Variants in ZBTB44 observed in about 807,000 individuals in gnomAD.
The protein encoded by ZBTB44 is zinc finger and BTB domain-containing protein 44.
Under a neutral mutation model 54.0 loss-of-function variants are expected in ZBTB44, and 15 were observed. The observed-to-expected ratio is 0.28, with a 90% CI of 0.19 to 0.43. The LOEUF (loss-of-function observed/expected upper bound fraction) is 0.43, where lower values mean the gene tolerates loss of function less well. Among genes scored for constraint, ZBTB44 ranks in the 20% least tolerant of loss-of-function variants. The pLI, the probability that ZBTB44 is intolerant of heterozygous loss-of-function variation, is 1.00. For synonymous variants in ZBTB44, 230 were observed against 250.1 expected, an observed-to-expected ratio of 0.92 and a Z score of 0.76; for missense variants, 487 against 707.1, an observed-to-expected ratio of 0.69 and a Z score of 3.53.
chr11:130,304,811 A>G (rs547107925), intron 1 of ZBTB44, among the ~76,000 whole-genome samples: 1 of 152,304 alleles, frequency 6.6e-6, no homozygotes, highest in South Asian at 2.1e-4. Context: ...GAGGAAGTCA[A>G]ACTGTTGCTG....
At chr11:130,290,268 G>A (rs1027310044) in intron 1 of ZBTB44, among the ~76,000 whole-genome samples, 2 of 152,336 alleles carry the variant, frequency 1.3e-5, no homozygotes, top group South Asian at 2.1e-4. Context: ...CAAGAGGCAA[G>A]GAATGGTTTC....
At chr11:130,245,879 A>C (rs1954620994) in intron 2 of ZBTB44, among the ~76,000 whole-genome samples, 1 of 152,244 alleles carries the variant, frequency 6.6e-6, no homozygotes, top group Non-Finnish European at 1.5e-5. Flanking sequence ...AAGCTGGTTG[A>C]AAAGAACTAA....
intron 1 of ZBTB44, among the ~76,000 whole-genome samples, chr11:130,311,218 T>C (rs1199430372): frequency 1.3e-5 from 2 of 152,082 alleles, no homozygotes; most frequent in African/African-American, 4.8e-5. Flanking sequence ...GTTTATTATT[T>C]TTTTTGGAGA....
chr11:130,312,293 CA>C (rs1942655541), intron 1 of ZBTB44, among the ~76,000 whole-genome samples: 2 of 152,286 alleles, frequency 1.3e-5, no homozygotes, highest in African/African-American at 2.4e-5. Context: ...ATATTAATCA[CA>C]AACTGGCAAA....
At chr11:130,304,585 G>C (rs1453945588) in intron 1 of ZBTB44, among the ~76,000 whole-genome samples, 1 of 151,918 alleles carries the variant, frequency 6.6e-6, no homozygotes, top group Non-Finnish European at 1.5e-5. Context: ...TGCCAATACT[G>C]CTTTATAATA....
intron 1 of ZBTB44, among the ~76,000 whole-genome samples, chr11:130,268,515 G>T (rs941359991): frequency 6.6e-6 from 1 of 152,124 alleles, no homozygotes; most frequent in African/African-American, 2.4e-5. Flanking sequence ...AGCTACTCAG[G>T]AAGTTAAGGT....
chr11:130,238,534 T>C lies in ZBTB44; in HGVS notation c.1177A>G (p.Asn393Asp), dbSNP rs772072464. 1.4e-5 allele frequency: 22 copies of C among 1,612,772 alleles called. No homozygotes were observed. The highest frequency in any genetic ancestry group is 1.7e-5 in the Non-Finnish European group (20 of 1,179,532). The change falls in exon 4 of 8, where the codon AAT (asparagine) becomes GAT (aspartate). Residue 393 changes from asparagine (N) to aspartate (D), a missense_variant. Asn to Asp is a conservative substitution (Grantham distance 23). Around this residue, in one of 3 missense-constraint regions of ZBTB44, gnomAD observed 120 missense variants for 240.3 expected, o/e 0.50. Coordinates refer to ENST00000357899, the MANE Select transcript of ZBTB44 (RefSeq NM_001301098.2). ...CACTGAAAAGGTCTGTCGGGACCAT[T>C]TGGACTTGGTCGCTCTGTACTGCTG... is the stretch of plus-strand genomic sequence containing the variant. ...STSSTERPSP[N>D]GPDRPFQCPT...
rs749935806 is a variant in ZBTB44 at position 130,238,426 on chromosome 11, C to T, written c.1267+18G>A. 5.0e-6 allele frequency: 8 copies of T among 1,597,104 alleles called. No homozygotes were observed. Among genetic ancestry groups the T allele is most frequent in the East Asian group, 2.2e-5 (1 of 44,446 alleles). On this transcript the variant is annotated intron_variant, in intron 4 of 7. Transcript: ENST00000357899. ...TTTAGAGCGTTCACTTACGCACCAA[C>T]AGGGAAGGTGACATTACCTGAGTGG...
intron 4 of ZBTB44, among the ~76,000 whole-genome samples, chr11:130,238,055 A>G (rs1954187504): frequency 6.6e-6 from 1 of 152,240 alleles, no homozygotes; most frequent in Non-Finnish European, 1.5e-5. Flanking sequence ...ACACACTTTT[A>G]TTTGGGAAAA....
chr11:130,240,191 G>A (rs1184357639), intron 2 of ZBTB44, among the ~76,000 whole-genome samples: 6 of 151,926 alleles, frequency 3.9e-5, no homozygotes, highest in African/African-American at 7.3e-5. Flanking sequence ...ACGGGCGCCC[G>A]ACACCACGCC....
chr11:130,295,498 A>T (rs1941586691), intron 1 of ZBTB44: 1 of 694,174 alleles, frequency 1.4e-6, no homozygotes, highest in Non-Finnish European at 2.7e-6. Flanking sequence ...AAGAAACAGA[A>T]AATAACGTAG....
intron 4 of ZBTB44, 149 bp from the exon 5 acceptor site, chr11:130,237,242 A>G (rs561646735): frequency 1.1e-6 from 1 of 873,026 alleles, no homozygotes; most frequent in South Asian, 4.1e-5. Flanking sequence ...TGAGTATCTC[A>G]GAAAATGTGC....
At chr11:130,306,592 G>C (rs1182063619) in intron 1 of ZBTB44, among the ~76,000 whole-genome samples, 1 of 151,746 alleles carries the variant, frequency 6.6e-6, no homozygotes, top group Non-Finnish European at 1.5e-5. Flanking sequence ...GTCATTATGT[G>C]AAAAAGACAC....
intron 1 of ZBTB44, chr11:130,297,000 A>G: frequency 1.4e-6 from 1 of 739,310 alleles, no homozygotes; most frequent in Non-Finnish European, 2.5e-6. Flanking sequence ...TGAGAAGTCC[A>G]AAATCTTTAA....
Position 130,261,854 on chromosome 11 carries a change from G to C in ZBTB44, c.20C>G (p.Thr7Ser). The change falls in exon 2 of 8, where the codon ACT becomes AGT. Residue 7 changes from threonine to serine, a missense_variant. Around this residue, in one of 3 missense-constraint regions of ZBTB44, gnomAD observed 90 missense variants for 160.3 expected, o/e 0.56. Transcript: ENST00000357899. This position sits in a 1 kb window ranked among gnomAD's most constrained non-coding sequence, Gnocchi z 4.8. MGVKTF[T>S]HSSSSHSQEM... is the part of the protein sequence containing the mutation. ...CTGGCTGTGGGAAGAGGAGCTATGAGTAAATGTTTTCACACCCATCTTTTA... is the reference window on the plus strand; with the variant it reads ...CTGGCTGTGGGAAGAGGAGCTATGACTAAATGTTTTCACACCCATCTTTTA... 1.2e-6 allele frequency: 2 copies of C among 1,608,650 alleles called. No individual in the cohort carries two copies. Among genetic ancestry groups the C allele is most frequent in the Non-Finnish European group, 1.7e-6 (2 of 1,176,030 alleles).
chr11:130,243,814 T>C (rs1318872714), intron 2 of ZBTB44, among the ~76,000 whole-genome samples: 2 of 152,196 alleles, frequency 1.3e-5, no homozygotes, highest in Admixed American at 1.3e-4. Context: ...CAGAGTTGTG[T>C]TGCTCCATAT....
At chr11:130,252,368 G>A (rs1354121954) in intron 2 of ZBTB44, among the ~76,000 whole-genome samples, 3 of 150,230 alleles carry the variant, frequency 2.0e-5, no homozygotes, top group Non-Finnish European at 2.9e-5. Flanking sequence ...ACAGATCAAC[G>A]AGACAGAAAA....
chr11:130,302,002 C>T (rs987558181), intron 1 of ZBTB44, among the ~76,000 whole-genome samples: 2 of 147,086 alleles, frequency 1.4e-5, no homozygotes, highest in East Asian at 2.0e-4. Context: ...TAATGAGCCA[C>T]GATCACACCA....
chr11:130,248,729 A>G (rs1247616483), intron 2 of ZBTB44, among the ~76,000 whole-genome samples: 1 of 152,222 alleles, frequency 6.6e-6, no homozygotes, highest in Non-Finnish European at 1.5e-5. Context: ...TCTGCTTTAT[A>G]GAATCCATTT....
Sources: allele counts gnomAD v4.1 joint callset (sites outside exome capture counted in the v4.1 genomes callset), GRCh38; gene constraint gnomAD v4.1.1; regional missense constraint gnomAD v4.1.1; non-coding constraint Gnocchi (gnomAD v3.1); transcripts MANE v1.5; gene names NCBI Gene and HGNC (gene_info 2026-07-23, HGNC 2026-07-21).